CDYL: variants seen among roughly 807,000 people sequenced by gnomAD.
CDYL encodes the protein chromodomain Y like, also known as chromodomain Y-like protein.
In CDYL, 8 loss-of-function variants were observed where a neutral mutation model predicts 47.3. The observed-to-expected ratio is 0.17, with a 90% CI of 0.10 to 0.31. The LOEUF is 0.31. Ranked by LOEUF, CDYL falls within the 10% of genes least tolerant of loss-of-function variation. The pLI, the probability that CDYL is intolerant of heterozygous loss-of-function variation, is 1.00. For synonymous variants in CDYL, 266 were observed against 265.0 expected (o/e 1.00, Z -0.04); for missense variants, 471 against 701.4 (o/e 0.67, Z 3.71).
intron 1 of CDYL, among the ~76,000 whole-genome samples, chr6:4,804,827 G>C (rs1334468881): frequency 2.0e-5 from 3 of 152,218 alleles, no homozygotes; most frequent in African/African-American, 7.2e-5. Flanking sequence ...TTAATAACTG[G>C]AAGGCTTTTT....
chr6:4,854,363 A>G (rs1439911364), intron 1 of CDYL, among the ~76,000 whole-genome samples: 1 of 152,150 alleles, frequency 6.6e-6, no homozygotes, highest in Non-Finnish European at 1.5e-5. Flanking sequence ...GCAGTTTCAT[A>G]CTAGTCATGT....
intron 1 of CDYL, among the ~76,000 whole-genome samples, chr6:4,804,938 C>G (rs921811466): frequency 6.6e-6 from 1 of 152,024 alleles, no homozygotes; most frequent in Admixed American, 6.6e-5. Flanking sequence ...CTGAGTGTTC[C>G]AGGTTACACT....
chr6:4,897,325 A>G (rs374205788), intron 2 of CDYL, among the ~76,000 whole-genome samples: 127 of 152,358 alleles, frequency 8.3e-4, no homozygotes, highest in Non-Finnish European at 1.6e-3. Context: ...CAACAGACCT[A>G]GTAGGAAAAT....
At chr6:4,953,308 C>T (rs908702821) in intron 6 of CDYL, among the ~76,000 whole-genome samples, 15 of 151,564 alleles carry the variant, frequency 9.9e-5, no homozygotes, top group African/African-American at 3.4e-4. Flanking sequence ...CGCTTGAACC[C>T]GGGAGGCGGA....
upstream of CDYL, chr6:4,773,215 A>G (rs1042006832): frequency 3.3e-5 from 15 of 457,338 alleles, no homozygotes; most frequent in Admixed American, 3.3e-4. The surrounding 1 kb of genome is among the most constrained non-coding windows in gnomAD (Gnocchi z 4.6). Context: ...GTGTCTTTTA[A>G]TCATGTGTGT....
At chr6:4,930,783 C>G (rs1480128921) in intron 2 of CDYL, among the ~76,000 whole-genome samples, 1 of 152,182 alleles carries the variant, frequency 6.6e-6, no homozygotes, top group Non-Finnish European at 1.5e-5. Flanking sequence ...GCAAGAGATA[C>G]TAAAATAGGT....
chr6:4,821,578 A>G (rs1309789529), intron 1 of CDYL, among the ~76,000 whole-genome samples: 2 of 151,408 alleles, frequency 1.3e-5, no homozygotes, highest in African/African-American at 4.9e-5. Context: ...TACTAATAAT[A>G]CAAAAATTGG....
chr6:4,711,053 T>C (rs1447188770), intron 1 of CDYL, among the ~76,000 whole-genome samples: 1 of 152,130 alleles, frequency 6.6e-6, no homozygotes, highest in Non-Finnish European at 1.5e-5. Flanking sequence ...AAATATATAC[T>C]GTAAAAGAAA....
intron 1 of CDYL, among the ~76,000 whole-genome samples, chr6:4,801,668 T>G (rs949366262): frequency 6.6e-6 from 1 of 152,164 alleles, no homozygotes; most frequent in Non-Finnish European, 1.5e-5. Context: ...GAAAGTTGGC[T>G]AAGGATCTGA....
At chr6:4,942,679 A>G (rs1235484947) in intron 4 of CDYL, among the ~76,000 whole-genome samples, 1 of 152,198 alleles carries the variant, frequency 6.6e-6, no homozygotes, top group Non-Finnish European at 1.5e-5. Flanking sequence ...ACATTCCTAA[A>G]GTGGTATGAC....
intron 1 of CDYL, chr6:4,836,368 T>C (rs1047276363): frequency 3.0e-5 from 18 of 592,198 alleles, no homozygotes; most frequent in Admixed American, 6.3e-5. Context: ...CCTAGAGGAG[T>C]TGGGATTTTA....
intron 3 of CDYL, among the ~76,000 whole-genome samples, chr6:4,744,530 A>T (rs1476559281): frequency 1.3e-5 from 2 of 152,104 alleles, no homozygotes; most frequent in African/African-American, 2.4e-5. Context: ...AGACAAAGAG[A>T]AAGAGAGTGC....
In CDYL at chr6:4,892,226, G is replaced by A. The variant is rs141221618; in HGVS notation, c.538G>A (p.Glu180Lys). The change falls in exon 2 of 7, where the codon GAA (glutamate) becomes AAA (lysine). Residue 180 changes from glutamate to lysine, a missense_variant. By Grantham distance (56) the Glu-to-Lys change is moderately conservative. This residue lies in a region of CDYL where 311 missense variants were observed against 350.0 expected (regional missense o/e 0.89). Coordinates refer to ENST00000397588, the MANE Select transcript of CDYL (RefSeq NM_004824.4). ...EQGQEDTVAP[E>K]VAAEKPVGAL... ...GGGTCAGGAGGACACAGTGGCACCC[G>A]AAGTGGCAGCGGAAAAGCCGGTCGG... The A allele has an allele frequency of 8.1e-6, 13 of 1,614,218 alleles. No individual in the cohort carries two copies. The highest frequency in any genetic ancestry group is 3.3e-5 in the Admixed American group (2 of 60,028).
At chr6:4,757,330 G>A (rs1277841441) in intron 3 of CDYL, among the ~76,000 whole-genome samples, 1 of 152,136 alleles carries the variant, frequency 6.6e-6, no homozygotes, top group Non-Finnish European at 1.5e-5. Context: ...ACATTTCTTT[G>A]CTTTATAAAA....
intron 1 of CDYL, among the ~76,000 whole-genome samples, chr6:4,864,991 GT>G (rs1291306745): frequency 6.6e-6 from 1 of 152,232 alleles, no homozygotes; most frequent in Non-Finnish European, 1.5e-5. Context: ...GTATGTCAGT[GT>G]GTTCAGCTCT....
At chr6:4,928,276 GA>G (rs1757937740) in intron 2 of CDYL, among the ~76,000 whole-genome samples, 1 of 152,162 alleles carries the variant, frequency 6.6e-6, no homozygotes, top group Admixed American at 6.5e-5. Flanking sequence ...GTGTGTGTGT[GA>G]GGGGGGCTGT....
chr6:4,862,609 A>AATGC (rs555293819), intron 1 of CDYL, among the ~76,000 whole-genome samples: 123 of 152,362 alleles, frequency 8.1e-4, no homozygotes, highest in African/African-American at 2.7e-3. Flanking sequence ...AGTTAATGTG[A>AATGC]ATGCCCACTA....
At chr6:4,812,571 A>G (rs188030748) in intron 1 of CDYL, among the ~76,000 whole-genome samples, 23 of 152,324 alleles carry the variant, frequency 1.5e-4, no homozygotes, top group African/African-American at 7.2e-5. Flanking sequence ...TTTAATGGCC[A>G]TAGCATTATA....
chr6:4,879,081 A>T (rs2127477039), intron 1 of CDYL, among the ~76,000 whole-genome samples: 1 of 152,302 alleles, frequency 6.6e-6, no homozygotes, highest in South Asian at 2.1e-4. Flanking sequence ...TCACTCTTTT[A>T]AAATTTTTAT....
Sources: gnomAD v4.1 joint callset for allele counts (sites outside exome capture counted in the v4.1 genomes callset) on GRCh38, gnomAD v4.1.1 for gene constraint, gnomAD v4.1.1 regional missense constraint, Gnocchi (gnomAD v3.1) non-coding constraint, MANE v1.5 for transcripts, NCBI Gene and HGNC (gene_info 2026-07-23, HGNC 2026-07-21) for gene names.